The following RBMS3 variants were observed in gnomAD, a reference collection of about 807,000 sequenced individuals.
RBMS3 encodes RNA binding motif single stranded interacting protein 3, also known as RNA-binding motif, single-stranded-interacting protein 3.
Under a neutral mutation model 66.8 loss-of-function variants are expected in RBMS3, and 27 were observed. The ratio of observed to expected loss-of-function variants is 0.40; its 90% CI spans 0.30 to 0.56. The LOEUF (loss-of-function observed/expected upper bound fraction) is 0.56, where lower values mean the gene tolerates loss of function less well. RBMS3 is among the 20% of genes least tolerant of loss of function. RBMS3 has a pLI of 0.40. For missense variants in RBMS3, 513 were observed against 549.5 expected, an observed-to-expected ratio of 0.93 and a Z score of 0.66; for synonymous variants, 188 against 183.0, an observed-to-expected ratio of 1.03 and a Z score of -0.22.
At chr3:29,835,666 T>A (rs2058486677) in intron 6 of RBMS3, among the ~76,000 whole-genome samples, 1 of 151,886 alleles carries the variant, frequency 6.6e-6, no homozygotes, top group Non-Finnish European at 1.5e-5. Context: ...AATTCCTATG[T>A]GAAAAACAAA....
intron 1 of RBMS3, among the ~76,000 whole-genome samples, chr3:29,408,005 A>G (rs905751899): frequency 3.3e-5 from 5 of 152,036 alleles, no homozygotes; most frequent in Non-Finnish European, 7.4e-5. Context: ...GGGCACGGTG[A>G]CTCACGCCTG....
chr3:30,002,427 GA>G (rs977667954), intron 14 of RBMS3, among the ~76,000 whole-genome samples: 8 of 151,110 alleles, frequency 5.3e-5, no homozygotes, highest in Admixed American at 3.3e-4. Flanking sequence ...ATATAACCAA[GA>G]AAAAAAATTG....
In RBMS3 at chr3:29,533,614, A is replaced by G. The variant is rs138472146; in HGVS notation, c.307+45115A>G. Among the ~76,000 whole-genome samples the G allele has an allele frequency of 6.6e-5, 10 of 152,192 alleles. No individual in the cohort carries two copies. The East Asian group carries it at 1.9e-3, about 30-fold the overall frequency. On this transcript the variant is annotated intron_variant, in intron 3 of 14. Transcript: ENST00000383767. ...AACATGGTGAAACCCCATCTCTACT[A>G]AAAATATAAAAACTTAGTGGGGCAT...
chr3:29,935,992 G>T, intron 10 of RBMS3, 94 bp from the exon 11 acceptor site: 2 of 1,010,640 alleles, frequency 2.0e-6, no homozygotes, highest in Non-Finnish European at 2.9e-6. Context: ...AAAAACATTT[G>T]ATGTTCACAC....
At position 29,929,730 on chromosome 3, in the gene RBMS3, C is replaced by T. The variant is rs147515123; in HGVS notation, c.940-6356C>T. On this transcript the variant is annotated intron_variant, in intron 10 of 14. Coordinates refer to ENST00000383767, the MANE Select transcript of RBMS3 (RefSeq NM_001003793.3). ...TTATTGGGAAATCTATGTACATGTA[C>T]ATATCTCTTCTACCTTTATCATATA... Among the ~76,000 whole-genome samples the T allele has an allele frequency of 4.2e-4, 64 of 152,186 alleles. 1 individual carries two copies. In the East Asian group the frequency reaches 9.7e-3, roughly 23 times the overall value.
intron 2 of RBMS3, among the ~76,000 whole-genome samples, chr3:29,453,901 C>G (rs2042091674): frequency 6.6e-6 from 1 of 152,072 alleles, no homozygotes; most frequent in Non-Finnish European, 1.5e-5. Flanking sequence ...ACTGAGGGAC[C>G]TGGTGAGCAA....
chr3:29,471,787 C>G (rs925023804), intron 2 of RBMS3, among the ~76,000 whole-genome samples: 4 of 142,178 alleles, frequency 2.8e-5, no homozygotes, highest in Admixed American at 7.4e-5. Context: ...TTCTTAGACA[C>G]AATAAAATCC....
intron 8 of RBMS3, among the ~76,000 whole-genome samples, chr3:29,886,456 G>T (rs1451912591): frequency 6.6e-6 from 1 of 151,772 alleles, no homozygotes; most frequent in Admixed American, 6.6e-5. Context: ...CTATATGGAA[G>T]CAATGAGATT....
At chr3:29,681,510 T>TCC (rs33998693) in intron 4 of RBMS3, among the ~76,000 whole-genome samples, 1 of 147,702 alleles carries the variant, frequency 6.8e-6, no homozygotes, top group African/African-American at 2.5e-5. Flanking sequence ...CCCCACACAA[T>TCC]CCCCCCAGAC....
In RBMS3 at chr3:30,009,246, T is replaced by A. The variant is rs904057050; in HGVS notation, c.*5384T>A. 4 of 152,122 alleles carry A rather than the reference T, an allele frequency of 2.6e-5. No homozygotes were observed. Among genetic ancestry groups the A allele is most frequent in the Non-Finnish European group, 5.9e-5 (4 of 67,998 alleles). 9.4% of individuals were successfully genotyped at this position (152,122 alleles called of 1,614,324 possible). Reference sequence around the variant, plus strand: ...GCTAATTATCTACTTTGTGGGTGTGTTTTGTTTTTTCTTTTCAGCGTGTAG... The same window carrying A: ...GCTAATTATCTACTTTGTGGGTGTGATTTGTTTTTTCTTTTCAGCGTGTAG... On this transcript the variant is annotated 3_prime_UTR_variant, in exon 15 of 15. Coordinates refer to ENST00000383767, the MANE Select transcript of RBMS3 (RefSeq NM_001003793.3).
At position 29,739,891 on chromosome 3, in the gene RBMS3, T is replaced by G. The variant is rs2054558970; in HGVS notation, c.557+14T>G. The G allele has an allele frequency of 6.5e-7, 1 of 1,547,716 alleles. No homozygotes were observed. The highest frequency in any genetic ancestry group is 8.7e-7 in the Non-Finnish European group (1 of 1,148,108). ...TGGCTTTGCCAGGTAAAATTCTTTC[T>G]TTGTATGTAATCGTTCTTTCCTCAT... On this transcript the variant is annotated intron_variant, in intron 5 of 14. Transcript: ENST00000383767.
intron 6 of RBMS3, among the ~76,000 whole-genome samples, chr3:29,778,544 G>C (rs2056506744): frequency 6.6e-6 from 1 of 151,538 alleles, no homozygotes; most frequent in Admixed American, 6.6e-5. Context: ...AAAAGAAACT[G>C]TTCCATCTTG....
intron 3 of RBMS3, among the ~76,000 whole-genome samples, chr3:29,566,932 TAGAATA>T (rs1364233520): frequency 6.6e-6 from 1 of 152,176 alleles, no homozygotes; most frequent in African/African-American, 2.4e-5. Context: ...TAAAAAGTTA[TAGAATA>T]AGAAAAACAA....
At chr3:29,530,705 CAAA>C (rs35876128) in intron 3 of RBMS3, among the ~76,000 whole-genome samples, 2 of 123,722 alleles carry the variant, frequency 1.6e-5, no homozygotes, top group African/African-American at 3.1e-5. Flanking sequence ...ACTAAAAATA[CAAA>C]AAAAAAAAAA....
chr3:29,936,195 C>T lies in RBMS3; in HGVS notation c.1049C>T (p.Thr350Met), dbSNP rs142211359. ...MNHLSLGTTGTIQSQDRIMIL... is the reference protein window; with the variant it reads ...MNHLSLGTTGMIQSQDRIMIL... The stretch of plus-strand genomic sequence containing the variant: ...CACCTTTCGTTGGGCACAACAGGAA[C>T]GGTGAGTTGAAGAGATTGTTTTGTT... Residue 350 changes from threonine to methionine, a missense_variant and splice_region_variant, in exon 11 of 15, where the codon ACG becomes ATG. Coordinates refer to ENST00000383767, the MANE Select transcript of RBMS3 (RefSeq NM_001003793.3). 5.1e-5 allele frequency: 83 copies of T among 1,611,702 alleles called. No homozygotes were observed. The highest frequency in any genetic ancestry group is 1.9e-4 in the African/African-American group (14 of 74,870).
chr3:29,596,242 A>G (rs1283127942), intron 4 of RBMS3, among the ~76,000 whole-genome samples: 2 of 152,166 alleles, frequency 1.3e-5, no homozygotes, highest in Non-Finnish European at 2.9e-5. Context: ...ATGAATTGGA[A>G]TGGTGGAATT....
intron 12 of RBMS3, among the ~76,000 whole-genome samples, chr3:29,949,067 C>T (rs536767386): frequency 4.0e-5 from 6 of 151,266 alleles, no homozygotes; most frequent in South Asian, 2.1e-4. Context: ...TTATTTTGTT[C>T]GCTAAATTAT....
At chr3:29,334,287 C>G (rs1385925023) in intron 1 of RBMS3, among the ~76,000 whole-genome samples, 1 of 152,078 alleles carries the variant, frequency 6.6e-6, no homozygotes, top group Non-Finnish European at 1.5e-5. Flanking sequence ...TAAGTTCATT[C>G]CAAGATTGAG....
intron 1 of RBMS3, among the ~76,000 whole-genome samples, chr3:29,403,910 A>G (rs140142731): frequency 1.4e-3 from 216 of 152,214 alleles, no homozygotes; most frequent in African/African-American, 4.9e-3. Flanking sequence ...TTCTTCTCCC[A>G]TATGAAACTT....
Sources: allele counts gnomAD v4.1 joint callset (sites outside exome capture counted in the v4.1 genomes callset), GRCh38; gene constraint gnomAD v4.1.1; transcripts MANE v1.5; gene names NCBI Gene and HGNC (gene_info 2026-07-23, HGNC 2026-07-21).